Variants in PON3 observed in about 807,000 individuals in gnomAD.
PON3 encodes the protein serum paraoxonase/lactonase 3.
PON3 carries 37 observed loss-of-function variants against 36.3 expected under a neutral mutation model. The observed-to-expected ratio is 1.02, with a 90% CI of 0.78 to 1.34. PON3 has a LOEUF of 1.34. Among genes scored for constraint, PON3 ranks in the 40% most tolerant of loss-of-function variants. PON3 has a pLI of 0.00. For missense variants in PON3, 415 were observed against 426.5 expected, an observed-to-expected ratio of 0.97 and a Z score of 0.24; for synonymous variants, 155 against 154.8, an observed-to-expected ratio of 1.00 and a Z score of -0.01.
At chr7:95,395,305 T>G (rs1200820389) in intron 1 of PON3, among the ~76,000 whole-genome samples, 3 of 152,238 alleles carry the variant, frequency 2.0e-5, no homozygotes, top group Admixed American at 2.0e-4. Context: ...TGAAAAGGAA[T>G]GTTTCCACAT....
chr7:95,388,064 T>C (rs955460847), intron 3 of PON3, among the ~76,000 whole-genome samples: 19 of 146,434 alleles, frequency 1.3e-4, no homozygotes, highest in Non-Finnish European at 3.0e-5. Flanking sequence ...ACTCAGGACA[T>C]AGGCATGGGC....
intron 4 of PON3, among the ~76,000 whole-genome samples, chr7:95,371,937 C>T (rs956197447): frequency 5.9e-5 from 9 of 151,996 alleles, no homozygotes; most frequent in Non-Finnish European, 1.2e-4. Flanking sequence ...GACAGTCAAA[C>T]AAGAAGACAA....
At chr7:95,384,826 C>G (rs1239900802) in intron 3 of PON3, among the ~76,000 whole-genome samples, 2 of 152,106 alleles carry the variant, frequency 1.3e-5, no homozygotes, top group Non-Finnish European at 2.9e-5. Flanking sequence ...CTAGAAATAC[C>G]ATTTGACCCA....
intron 1 of PON3, 58 bp downstream of exon 1, chr7:95,396,219 C>A: frequency 1.3e-6 from 2 of 1,582,062 alleles, no homozygotes; most frequent in East Asian, 2.2e-5. Context: ...CAGCCCCTGA[C>A]CTCACTTGGA....
At chr7:95,394,231 T>C (rs1178892697) in intron 2 of PON3, among the ~76,000 whole-genome samples, 1 of 151,452 alleles carries the variant, frequency 6.6e-6, no homozygotes, top group Non-Finnish European at 1.5e-5. Flanking sequence ...GGCTGAGTCA[T>C]ATTATTTGAA....
At chr7:95,390,105 T>G (rs774566151) in intron 3 of PON3, 49 bp downstream of exon 3, 2 of 1,520,614 alleles carry the variant, frequency 1.3e-6, no homozygotes, top group Non-Finnish European at 1.8e-6. Context: ...TAATGCACTG[T>G]CTATACAGCT....
chr7:95,384,606 TCATCACTGGC>T (rs1809144899), intron 3 of PON3, among the ~76,000 whole-genome samples: 1 of 152,134 alleles, frequency 6.6e-6, no homozygotes, highest in Non-Finnish European at 1.5e-5. Flanking sequence ...AAAATGCTCA[TCATCACTGGC>T]CATCAGAGAA....
Position 95,372,359 on chromosome 7 carries a change from G to A in PON3, c.202-21C>T, listed in dbSNP as rs775435425. 5 of 1,611,248 alleles carry A rather than the reference G, an allele frequency of 3.1e-6. No individual in the cohort carries two copies. In the South Asian group the frequency reaches 4.4e-5, roughly 14 times the overall value. ...AATCCCTTTTAAAAATAAAGAACAA[G>A]TGTGCACACATATACATATCAAAAC... On this transcript the variant is annotated intron_variant, in intron 3 of 8. Coordinates refer to ENST00000265627, the MANE Select transcript of PON3 (RefSeq NM_000940.3).
intron 3 of PON3, among the ~76,000 whole-genome samples, chr7:95,379,561 G>A (rs540666564): frequency 3.3e-5 from 5 of 152,206 alleles, no homozygotes; most frequent in Non-Finnish European, 5.9e-5. Flanking sequence ...ATTATATTCC[G>A]TGCCTGGCTC....
chr7:95,374,521 T>C (rs1342024625), intron 3 of PON3, among the ~76,000 whole-genome samples: 2 of 152,126 alleles, frequency 1.3e-5, no homozygotes, highest in Non-Finnish European at 2.9e-5. Flanking sequence ...ATAAATATTT[T>C]CTTAACTTTA....
rs1808600577 is a variant in PON3, at chr7:95,362,740, GC to G, written c.777+19del. 1 of 1,573,300 alleles carries G rather than the reference GC, an allele frequency of 6.4e-7. No individual in the cohort carries two copies. Among genetic ancestry groups the G allele is most frequent in the African/African-American group, 1.4e-5 (1 of 73,970 alleles). ...TAAGGTAAGAAGTCAGATTGTGTGG[GC>G]CAGACAGGGTACTCTTACCTTCAGT... is the stretch of plus-strand genomic sequence containing the variant. On this transcript the variant is annotated intron_variant, in intron 7 of 8. Coordinates refer to ENST00000265627, the MANE Select transcript of PON3 (RefSeq NM_000940.3).
intron 6 of PON3, among the ~76,000 whole-genome samples, chr7:95,363,185 T>C (rs1461610496): frequency 6.6e-6 from 1 of 152,128 alleles, no homozygotes; most frequent in Non-Finnish European, 1.5e-5. Flanking sequence ...AAACTAGTGC[T>C]TGAAAAAAAG....
At chr7:95,395,395 T>G (rs1468032543) in intron 1 of PON3, among the ~76,000 whole-genome samples, 1 of 152,218 alleles carries the variant, frequency 6.6e-6, no homozygotes, top group Non-Finnish European at 1.5e-5. Flanking sequence ...CAGTCATTTA[T>G]TTAAAAAAAT....
intron 4 of PON3, 105 bp from the exon 5 acceptor site, chr7:95,367,593 T>C: frequency 8.0e-7 from 1 of 1,256,502 alleles, no homozygotes; most frequent in South Asian, 1.2e-5. Context: ...TTCTTACATC[T>C]TGCATTTTAC....
At chr7:95,373,562 C>T (rs149621501) in intron 3 of PON3, among the ~76,000 whole-genome samples, 10 of 152,248 alleles carry the variant, frequency 6.6e-5, no homozygotes, top group Non-Finnish European at 1.3e-4. Flanking sequence ...ACTTCTGCTT[C>T]CAGACCATAA....
Position 95,372,061 on chromosome 7 carries a change from GT to G in PON3, c.367+111del, listed in dbSNP as rs1192209753. The G allele has an allele frequency of 1.2e-5, 15 of 1,265,970 alleles. No individual in the cohort carries two copies. The East Asian group carries it at 3.5e-4, about 30-fold the overall frequency. 78.4% of individuals were successfully genotyped at this position (1,265,970 alleles called of 1,614,324 possible). On this transcript the variant is annotated intron_variant, in intron 4 of 8. Coordinates refer to ENST00000265627, the MANE Select transcript of PON3 (RefSeq NM_000940.3). The stretch of plus-strand genomic sequence containing the variant: ...TTTATCATTTAAAAAAAACACATCT[GT>G]ATGGTAAAATAGCATCTTCTCTCTT...
intron 3 of PON3, among the ~76,000 whole-genome samples, chr7:95,381,051 C>T (rs555353430): frequency 4.6e-5 from 7 of 152,262 alleles, no homozygotes; most frequent in African/African-American, 7.2e-5. Flanking sequence ...CAATATTCAA[C>T]GATATTAAAG....
At chr7:95,390,762 CT>C (rs1311887494) in intron 2 of PON3, among the ~76,000 whole-genome samples, 3 of 152,016 alleles carry the variant, frequency 2.0e-5, no homozygotes, top group Admixed American at 6.5e-5. Context: ...TTAGTTAGAT[CT>C]TTTTTCTCAG....
intron 3 of PON3, among the ~76,000 whole-genome samples, chr7:95,381,836 C>A (rs1263194990): frequency 6.6e-6 from 1 of 152,152 alleles, no homozygotes; most frequent in African/African-American, 2.4e-5. Flanking sequence ...TTGAATTCAG[C>A]TCTGCACCAA....
Sources: gnomAD v4.1 joint callset for allele counts (sites outside exome capture counted in the v4.1 genomes callset) on GRCh38, gnomAD v4.1.1 for gene constraint, MANE v1.5 for transcripts, NCBI Gene and HGNC (gene_info 2026-07-23, HGNC 2026-07-21) for gene names.